ARHGEF38: variants seen among roughly 807,000 people sequenced by gnomAD.
ARHGEF38 encodes Rho guanine nucleotide exchange factor 38, also known as Rho guanine nucleotide exchange factor (GEF) 38.
A neutral mutation model predicts 79.9 loss-of-function variants in ARHGEF38; 79 were observed. The observed-to-expected ratio is 0.99, with a 90% confidence interval of 0.82 to 1.19. The LOEUF is 1.19. Ranked by LOEUF, ARHGEF38 falls within the 50% of genes most tolerant of loss-of-function variation. ARHGEF38 has a pLI of 0.00. For synonymous variants in ARHGEF38, 366 were observed against 328.3 expected, an observed-to-expected ratio of 1.11 and a Z score of -1.24; for missense variants, 962 against 907.2, an observed-to-expected ratio of 1.06 and a Z score of -0.78.
At chr4:105,640,694 T>C (rs1729582932) in intron 5 of ARHGEF38, among the ~76,000 whole-genome samples, 1 of 152,206 alleles carries the variant, frequency 6.6e-6, no homozygotes, top group African/African-American at 2.4e-5. Flanking sequence ...GTTAAGAACT[T>C]TGTATCTGAA....
chr4:105,573,385 A>G (rs1726330944), intron 1 of ARHGEF38, among the ~76,000 whole-genome samples: 1 of 152,168 alleles, frequency 6.6e-6, no homozygotes, highest in Non-Finnish European at 1.5e-5. Context: ...TTTCTGATCC[A>G]TTCTGAGTTA....
At chr4:105,635,317 C>G (rs1729353915) in intron 4 of ARHGEF38, among the ~76,000 whole-genome samples, 1 of 152,052 alleles carries the variant, frequency 6.6e-6, no homozygotes, top group Admixed American at 6.6e-5. Context: ...TGCCACTACT[C>G]CACAGATTGT....
intron 13 of ARHGEF38, among the ~76,000 whole-genome samples, chr4:105,673,546 T>C (rs909391115): frequency 7.9e-5 from 12 of 152,190 alleles, no homozygotes; most frequent in Non-Finnish European, 1.5e-4. Flanking sequence ...TGTCATTGTT[T>C]AGAAAGTGCT....
At chr4:105,656,727 T>A (rs535727814) in intron 9 of ARHGEF38, among the ~76,000 whole-genome samples, 1 of 152,240 alleles carries the variant, frequency 6.6e-6, no homozygotes, top group East Asian at 1.9e-4. Flanking sequence ...TGGAGTGGCC[T>A]TTTGGTGGAG....
intron 3 of ARHGEF38, among the ~76,000 whole-genome samples, chr4:105,628,880 T>A (rs1578326608): frequency 6.6e-6 from 1 of 152,322 alleles, no homozygotes; most frequent in East Asian, 1.9e-4. Flanking sequence ...GTTAGTGTTT[T>A]AATTCTAGAG....
In ARHGEF38 at chr4:105,614,210, C is replaced by G. The variant is rs77947312; in HGVS notation, c.508+703C>G. Among the ~76,000 whole-genome samples the G allele has an allele frequency of 4.4e-3, 672 of 152,276 alleles. 9 individuals are homozygous for G. The highest frequency in any genetic ancestry group is 0.015 in the African/African-American group (635 of 41,570). ...GCAGTTTGCACTTCGAGACATCATACAGTGTCATGTAGGCTAAGAGTTTTT... is the reference window on the plus strand; with the variant it reads ...GCAGTTTGCACTTCGAGACATCATAGAGTGTCATGTAGGCTAAGAGTTTTT... On this transcript the variant is annotated intron_variant, in intron 3 of 13. Transcript: ENST00000420470.
At chr4:105,634,227 C>G (rs1729311509) in intron 4 of ARHGEF38, among the ~76,000 whole-genome samples, 1 of 152,106 alleles carries the variant, frequency 6.6e-6, no homozygotes, top group Non-Finnish European at 1.5e-5. Flanking sequence ...AGAAATCATA[C>G]TTGCTGCTTT....
intron 1 of ARHGEF38, among the ~76,000 whole-genome samples, chr4:105,578,835 G>A (rs143261379): frequency 6.6e-6 from 1 of 152,038 alleles, no homozygotes; most frequent in East Asian, 1.9e-4. Context: ...TTGATATTTG[G>A]TTTGTGATTT....
intron 10 of ARHGEF38, among the ~76,000 whole-genome samples, chr4:105,662,546 A>G (rs1730599388): frequency 6.6e-6 from 1 of 152,144 alleles, no homozygotes; most frequent in Non-Finnish European, 1.5e-5. Context: ...TTTTATTTAA[A>G]TAATCAATCC....
intron 1 of ARHGEF38, among the ~76,000 whole-genome samples, chr4:105,561,078 G>T (rs4699189): frequency 0.46 from 69,863 of 151,910 alleles, 18,752 homozygotes; most frequent in Non-Finnish European, 0.62. Flanking sequence ...TAACTATTTT[G>T]TCTGTCTAAA....
In ARHGEF38 at chr4:105,591,786, C is replaced by A. The variant is rs182161689; in HGVS notation, c.384+2351C>A. Among the ~76,000 whole-genome samples the A allele has an allele frequency of 1.9e-4, 29 of 152,142 alleles. 1 individual carries two copies. The highest frequency in any genetic ancestry group is 5.9e-5 in the Non-Finnish European group (4 of 68,024). ...CTCATTTAATCCCCCACAGTTCCCA[C>A]GCCAGAATTACCAGACACTTTCTGA... On this transcript the variant is annotated intron_variant, in intron 2 of 13. Coordinates refer to ENST00000420470, the MANE Select transcript of ARHGEF38 (RefSeq NM_001242729.2).
intron 1 of ARHGEF38, among the ~76,000 whole-genome samples, chr4:105,586,781 G>T (rs1381429534): frequency 6.6e-6 from 1 of 152,128 alleles, no homozygotes; most frequent in African/African-American, 2.4e-5. Context: ...GAAACATTAA[G>T]TGATAATTGG....
intron 10 of ARHGEF38, among the ~76,000 whole-genome samples, chr4:105,660,387 A>G (rs1730513012): frequency 6.6e-6 from 1 of 151,864 alleles, no homozygotes; most frequent in African/African-American, 2.4e-5. Context: ...CTTTAACAAT[A>G]TATTCTGAGA....
At chr4:105,660,176 C>G (rs1445888212) in intron 10 of ARHGEF38, among the ~76,000 whole-genome samples, 13 of 152,034 alleles carry the variant, frequency 8.6e-5, no homozygotes, top group African/African-American at 2.9e-4. Flanking sequence ...GGTTCAAAAG[C>G]CAAAACTGTG....
chr4:105,628,860 C>A (rs1350376431), intron 3 of ARHGEF38, among the ~76,000 whole-genome samples: 1 of 152,076 alleles, frequency 6.6e-6, no homozygotes, highest in African/African-American at 2.4e-5. Flanking sequence ...GAATGTGATA[C>A]TTTAAAAGTG....
chr4:105,581,449 C>T (rs935250650), intron 1 of ARHGEF38, among the ~76,000 whole-genome samples: 4 of 152,190 alleles, frequency 2.6e-5, no homozygotes, highest in African/African-American at 9.6e-5. Flanking sequence ...CAATCCTCAA[C>T]ATCTCCTAAC....
Position 105,659,061 on chromosome 4 carries a change from A to C in ARHGEF38, c.1241A>C (p.His414Pro), listed in dbSNP as rs1170340417. The C allele has an allele frequency of 1.3e-6, 2 of 1,533,638 alleles. No homozygotes were observed. The highest frequency in any genetic ancestry group is 2.7e-5 in the African/African-American group (2 of 72,814). ...CATTTTTTCTTTTGGCAGGCATCTCACTTACAGAGACTCATCCTGACCCCC... is the reference window on the plus strand; with the variant it reads ...CATTTTTTCTTTTGGCAGGCATCTCCCTTACAGAGACTCATCCTGACCCCC... ...ALNSCHDFASHLQRLILTPLS... is the reference protein window; with the variant it reads ...ALNSCHDFASPLQRLILTPLS... Residue 414 changes from histidine to proline, a missense_variant, in exon 10 of 14, where the codon CAC becomes CCC. Coordinates refer to ENST00000420470, the MANE Select transcript of ARHGEF38 (RefSeq NM_001242729.2).
chr4:105,581,741 G>A (rs199324), intron 1 of ARHGEF38, among the ~76,000 whole-genome samples: 147,854 of 152,298 alleles, frequency 0.97, 71,772 homozygotes, highest in East Asian at 1. Context: ...AACCTATTAA[G>A]TACCCTTTTT....
At chr4:105,589,497 T>C (rs1727222137) in intron 2 of ARHGEF38, 62 bp downstream of exon 2, 4 of 1,450,318 alleles carry the variant, frequency 2.8e-6, no homozygotes, top group Admixed American at 2.1e-5. Flanking sequence ...ACTAGCACCA[T>C]GAAATTGAAG....
Sources: allele counts gnomAD v4.1 joint callset (sites outside exome capture counted in the v4.1 genomes callset), GRCh38; gene constraint gnomAD v4.1.1; transcripts MANE v1.5; gene names NCBI Gene and HGNC (gene_info 2026-07-23, HGNC 2026-07-21).